TMTC1: variants seen among roughly 807,000 people sequenced by gnomAD.
TMTC1 encodes protein O-mannosyl-transferase TMTC1.
A neutral mutation model predicts 104.8 loss-of-function variants in TMTC1; 73 were observed. The ratio of observed to expected loss-of-function variants is 0.70; its 90% CI spans 0.58 to 0.85. TMTC1 has a LOEUF of 0.85. Ranked by LOEUF, TMTC1 falls within the 40% of genes least tolerant of loss-of-function variation. The pLI, the probability that TMTC1 is intolerant of heterozygous loss-of-function variation, is 0.00. For missense variants in TMTC1, 1,035 were observed against 1,096.1 expected (o/e 0.94, Z 0.79); for synonymous variants, 434 against 428.7 (o/e 1.01, Z -0.15).
chr12:29,772,849 T>C (rs902721625), intron 1 of TMTC1, among the ~76,000 whole-genome samples: 1 of 152,124 alleles, frequency 6.6e-6, no homozygotes, highest in African/African-American at 2.4e-5. Context: ...TCCTCAAACG[T>C]TTTTCATACA....
chr12:29,557,656 G>T (rs1474343458), intron 9 of TMTC1, among the ~76,000 whole-genome samples: 2 of 152,074 alleles, frequency 1.3e-5, no homozygotes, highest in Non-Finnish European at 2.9e-5. Flanking sequence ...CGCCATGTTG[G>T]CCAGGCCGGT....
In TMTC1 at chr12:29,783,444, A is replaced by ACTCACTTGAAGGTGAGGAC; in HGVS notation, c.289_302+5dup. ...AGCGGCGGCTAGCGCGAGGTGAGGG[A>ACTCACTTGAAGGTGAGGAC]CTCACTTGAAGGTGAGGACGCAGAG... On this transcript the variant is annotated splice_donor_region_variant and intron_variant, in intron 1 of 17. Transcript: ENST00000539277. This position sits in a 1 kb window ranked among gnomAD's most constrained non-coding sequence, Gnocchi z 4.7. 2 of 1,304,564 alleles carry ACTCACTTGAAGGTGAGGAC rather than the reference A, an allele frequency of 1.5e-6. No individual in the cohort carries two copies. Among genetic ancestry groups the ACTCACTTGAAGGTGAGGAC allele is most frequent in the Non-Finnish European group, 2.0e-6 (2 of 1,022,902 alleles). The allele number at this position is 1,304,564 out of a possible 1,614,324, so 80.8% of individuals were successfully genotyped here.
chr12:29,542,936 C>T (rs1944842402), intron 10 of TMTC1, among the ~76,000 whole-genome samples: 1 of 152,052 alleles, frequency 6.6e-6, no homozygotes, highest in Non-Finnish European at 1.5e-5. Context: ...CAAGTCTTAG[C>T]TCCTGTGTTA....
intron 7 of TMTC1, among the ~76,000 whole-genome samples, chr12:29,586,830 G>A (rs1288003539): frequency 1.8e-4 from 27 of 147,398 alleles, no homozygotes; most frequent in South Asian, 4.4e-4. Flanking sequence ...TGCTGGATTC[G>A]GTTTGCCAGT....
intron 5 of TMTC1, among the ~76,000 whole-genome samples, chr12:29,705,503 C>T (rs139753615): frequency 9.1e-4 from 138 of 152,216 alleles, no homozygotes; most frequent in African/African-American, 3.0e-3. Context: ...TCACTGGAGA[C>T]GCATCAGTGG....
At chr12:29,763,560 A>C (rs181015642) in intron 2 of TMTC1, among the ~76,000 whole-genome samples, 1 of 152,348 alleles carries the variant, frequency 6.6e-6, no homozygotes, top group Admixed American at 6.5e-5. Context: ...AAGGAGTTTA[A>C]CATCTGGTGG....
chr12:29,548,234 A>C (rs115960264), intron 10 of TMTC1, among the ~76,000 whole-genome samples: 1 of 152,222 alleles, frequency 6.6e-6, no homozygotes, highest in South Asian at 2.1e-4. Flanking sequence ...TGGATTCTAC[A>C]TTAATGACCA....
At chr12:29,579,762 A>G (rs1359714239) in intron 8 of TMTC1, among the ~76,000 whole-genome samples, 1 of 152,220 alleles carries the variant, frequency 6.6e-6, no homozygotes, top group Non-Finnish European at 1.5e-5. Context: ...CTACCAGTTC[A>G]GCACATAAAA....
intron 2 of TMTC1, among the ~76,000 whole-genome samples, chr12:29,760,095 G>A (rs954223213): frequency 3.3e-5 from 5 of 152,094 alleles, no homozygotes; most frequent in South Asian, 2.1e-4. Flanking sequence ...TATTCAGTAC[G>A]GTAGCCTAAG....
In TMTC1 at chr12:29,783,599, G is replaced by A. The variant is rs1400342845; in HGVS notation, c.153C>T (p.His51=). ...TGTTCACGATCGCCCACACGTCGTC[G>A]TGCACGAACTCGCCCTGCAGGGAGC... is the stretch of plus-strand genomic sequence containing the variant. The part of the protein sequence containing the change: ...YGRSLQGEFV[H]DDVWAIVNNP... The change falls in exon 1 of 18, where the codon CAC becomes CAT. Residue 51 remains histidine (H), a synonymous_variant. Coordinates refer to ENST00000539277, the MANE Select transcript of TMTC1 (RefSeq NM_001193451.2). The surrounding 1 kb of genome is among the most constrained non-coding windows in gnomAD (Gnocchi z 4.7). 2 of 1,478,500 alleles carry A rather than the reference G, an allele frequency of 1.4e-6. No individual in the cohort carries two copies. Among genetic ancestry groups the A allele is most frequent in the Admixed American group, 2.2e-5 (1 of 44,814 alleles). The allele number at this position is 1,478,500 out of a possible 1,614,324, so 91.6% of individuals were successfully genotyped here. A position where few individuals can be genotyped will look rare whatever the true frequency, so the allele number is the denominator to read the frequency against.
chr12:29,664,219 A>T (rs1940182284), intron 5 of TMTC1, among the ~76,000 whole-genome samples: 1 of 150,494 alleles, frequency 6.6e-6, no homozygotes, highest in African/African-American at 2.4e-5. Context: ...AAAAAATAAA[A>T]AAATAAAAAA....
At chr12:29,507,452 C>G (rs925871117) in intron 17 of TMTC1, among the ~76,000 whole-genome samples, 1 of 152,186 alleles carries the variant, frequency 6.6e-6, no homozygotes, top group Non-Finnish European at 1.5e-5. Flanking sequence ...TTAGTGATAG[C>G]AGTTATTCTA....
intron 10 of TMTC1, among the ~76,000 whole-genome samples, chr12:29,540,855 CA>C (rs1044208470): frequency 2.3e-4 from 35 of 152,122 alleles, no homozygotes; most frequent in Non-Finnish European, 4.3e-4. Context: ...ATTAGCCAGG[CA>C]CAGTGGCGGG....
At chr12:29,644,143 GTGTGTGTA>G (rs1425395527) in intron 5 of TMTC1, among the ~76,000 whole-genome samples, 1,119 of 99,496 alleles carry the variant, frequency 0.011, 56 homozygotes, top group African/African-American at 0.036. Context: ...GTGTGTGTGT[GTGTGTGTA>G]TATATATATA....
At chr12:29,719,446 G>T (rs1942174715) in intron 5 of TMTC1, among the ~76,000 whole-genome samples, 1 of 152,184 alleles carries the variant, frequency 6.6e-6, no homozygotes, top group Non-Finnish European at 1.5e-5. Context: ...ACGGTGGTAT[G>T]AATTCAAGGT....
At chr12:29,597,200 TTTC>T (rs1177559920) in intron 7 of TMTC1, among the ~76,000 whole-genome samples, 16 of 151,906 alleles carry the variant, frequency 1.1e-4, no homozygotes, top group African/African-American at 3.6e-4. Flanking sequence ...GAACTTTTTT[TTTC>T]TTTTCTTTTC....
intron 5 of TMTC1, among the ~76,000 whole-genome samples, chr12:29,638,713 G>T (rs1549408): frequency 0.22 from 33,105 of 151,940 alleles, 4,055 homozygotes; most frequent in African/African-American, 0.35. Flanking sequence ...CCCCATGACC[G>T]GCTGGTCTGC....
At chr12:29,755,936 T>C (rs752994067) in intron 3 of TMTC1, 51 bp from the exon 4 acceptor site, 36 of 1,562,774 alleles carry the variant, frequency 2.3e-5, no homozygotes, top group Non-Finnish European at 3.1e-5. Flanking sequence ...TATGGTCTGC[T>C]AAGAAATGCC....
At chr12:29,784,303 C>G (rs1943908510), upstream of TMTC1, 1 of 152,312 alleles carries the variant, frequency 6.6e-6, no homozygotes. Flanking sequence ...AACCCCCACA[C>G]CCACCTTCCA....
Sources: allele counts gnomAD v4.1 joint callset (sites outside exome capture counted in the v4.1 genomes callset), GRCh38; gene constraint gnomAD v4.1.1; non-coding constraint Gnocchi (gnomAD v3.1); transcripts MANE v1.5; gene names NCBI Gene and HGNC (gene_info 2026-07-23, HGNC 2026-07-21).